The following TMEM164 variants were observed in gnomAD, a reference collection of about 807,000 sequenced individuals.
The protein encoded by TMEM164 is RP13-360B22.2.
In TMEM164, 4 loss-of-function variants were observed where a neutral mutation model predicts 18.8. The ratio of observed to expected loss-of-function variants is 0.21; its 90% CI spans 0.10 to 0.49. TMEM164 has a LOEUF of 0.49. Ranked by LOEUF, TMEM164 falls within the 20% of genes least tolerant of loss-of-function variation. The pLI, the probability that TMEM164 is intolerant of heterozygous loss-of-function variation, is 0.98. For missense variants in TMEM164, 108 were observed against 239.9 expected, an observed-to-expected ratio of 0.45 and a Z score of 3.63; for synonymous variants, 86 against 101.7, an observed-to-expected ratio of 0.85 and a Z score of 0.93.
intron 3 of TMEM164, among the ~76,000 whole-genome samples, chrX:110,100,715 G>A (rs2066097159): frequency 9.1e-6 from 1 of 110,437 alleles, no homozygotes; most frequent in African/African-American, 3.3e-5. Context: ...GGGACTACAG[G>A]CGCCCACCAC....
intron 4 of TMEM164, among the ~76,000 whole-genome samples, chrX:110,130,501 CTAT>C (rs905803979): frequency 9.0e-6 from 1 of 111,401 alleles, no homozygotes; most frequent in Non-Finnish European, 1.9e-5. Context: ...CTTATTATTT[CTAT>C]TATTATTATC....
chrX:110,167,850 A>G (rs1219883346), intron 5 of TMEM164, among the ~76,000 whole-genome samples: 2 of 111,598 alleles, frequency 1.8e-5, no homozygotes, highest in East Asian at 5.6e-4. Context: ...GAATGCTACT[A>G]AAGTCGGGGT....
intron 3 of TMEM164, among the ~76,000 whole-genome samples, chrX:110,093,936 C>A (rs879193927): frequency 9.0e-6 from 1 of 111,526 alleles, no homozygotes; most frequent in African/African-American, 3.3e-5. Flanking sequence ...GCCTTCATTT[C>A]GTTATGTACC....
At chrX:110,069,570 C>CTTTT (rs72102436) in intron 3 of TMEM164, among the ~76,000 whole-genome samples, 1 of 91,465 alleles carries the variant, frequency 1.1e-5, no homozygotes, top group African/African-American at 4.0e-5. Context: ...TTTATATTGA[C>CTTTT]TTTTTTTTTT....
chrX:110,024,991 GGTGTGT>G (rs3082762), intron 2 of TMEM164, among the ~76,000 whole-genome samples: 2 of 100,186 alleles, frequency 2.0e-5, no homozygotes, highest in African/African-American at 7.4e-5. Context: ...GTTATTGTTG[GGTGTGT>G]GTGTGTGTGT....
intron 4 of TMEM164, among the ~76,000 whole-genome samples, chrX:110,144,274 TA>T (rs1372083524): frequency 8.9e-6 from 1 of 111,953 alleles, no homozygotes; most frequent in African/African-American, 3.3e-5. Context: ...CTACTCCATA[TA>T]TTCTTCATGT....
chrX:110,051,542 C>T (rs181904432), intron 2 of TMEM164, among the ~76,000 whole-genome samples: 72 of 107,527 alleles, frequency 6.7e-4, no homozygotes, highest in African/African-American at 2.3e-3. Flanking sequence ...TGTGACCCCC[C>T]TGTCATTATT....
intron 5 of TMEM164, among the ~76,000 whole-genome samples, chrX:110,169,135 TAC>T (rs1458117402): frequency 9.0e-6 from 1 of 111,705 alleles, no homozygotes; most frequent in African/African-American, 3.3e-5. Flanking sequence ...TGTCCTAGAG[TAC>T]AGGCAGCCGC....
chrX:110,089,800 A>T (rs1184365774), intron 3 of TMEM164, among the ~76,000 whole-genome samples: 1 of 111,816 alleles, frequency 8.9e-6, no homozygotes, highest in African/African-American at 3.3e-5. Context: ...CCATTTCCTC[A>T]TTTGTAAAAG....
intron 3 of TMEM164, among the ~76,000 whole-genome samples, chrX:110,087,285 C>T (rs1023829884): frequency 8.9e-6 from 1 of 111,856 alleles, no homozygotes; most frequent in Non-Finnish European, 1.9e-5. Context: ...GAGACCTGGG[C>T]TTAAGAATTT....
rs561613461 is a variant in TMEM164, at chrX:110,035,747, C to T, written c.390+31583C>T. Among the ~76,000 whole-genome samples the T allele has an allele frequency of 8.1e-4, 89 of 109,652 alleles. 1 individual carries two copies. In the South Asian group the frequency reaches 0.034, roughly 42 times the overall value. On this transcript the variant is annotated intron_variant, in intron 2 of 6. Coordinates refer to ENST00000372068, the MANE Select transcript of TMEM164 (RefSeq NM_032227.4). ...CTCGAACTCCTGATCTCAAGTGATC[C>T]GCCCACTTCGGCCTCCCAATGTGCT...
intron 2 of TMEM164, among the ~76,000 whole-genome samples, chrX:110,013,644 T>G (rs1250480647): frequency 9.0e-6 from 1 of 111,658 alleles, no homozygotes; most frequent in Non-Finnish European, 1.9e-5. Flanking sequence ...ATTTTCCTAA[T>G]GCAAGTTCAG....
chrX:110,058,218 T>C (rs183768954), intron 2 of TMEM164, among the ~76,000 whole-genome samples: 666 of 111,041 alleles, frequency 6.0e-3, no homozygotes, highest in Middle Eastern at 0.023. Flanking sequence ...TTTTCCCCCA[T>C]TGTGTATTTT....
chrX:110,009,619 A>T (rs1014717876), intron 2 of TMEM164, among the ~76,000 whole-genome samples: 1 of 111,612 alleles, frequency 9.0e-6, no homozygotes, highest in Non-Finnish European at 1.9e-5. Flanking sequence ...GTGTACCTGG[A>T]TAATGGTGAC....
downstream of TMEM164, among the ~76,000 whole-genome samples, chrX:110,181,893 G>T (rs1218153616): frequency 2.7e-5 from 3 of 111,893 alleles, no homozygotes; most frequent in Non-Finnish European, 5.6e-5. Context: ...GGTTAGCTGG[G>T]GTTTTGACTG....
chrX:110,071,812 G>T (rs2065596080), intron 3 of TMEM164, among the ~76,000 whole-genome samples: 1 of 108,837 alleles, frequency 9.2e-6, no homozygotes, highest in Non-Finnish European at 1.9e-5. Context: ...GAGGCAGGAG[G>T]ATCACTTGAG....
chrX:110,124,771 C>T (rs937616700), intron 4 of TMEM164, among the ~76,000 whole-genome samples: 6 of 111,529 alleles, frequency 5.4e-5, no homozygotes, highest in Admixed American at 9.5e-5. Flanking sequence ...TGATTGTCAC[C>T]ACATAGCCCA....
chrX:110,002,476 G>A (rs1364507905), upstream of TMEM164, among the ~76,000 whole-genome samples: 1 of 110,177 alleles, frequency 9.1e-6, no homozygotes, highest in African/African-American at 3.3e-5. Context: ...ACGGGTGAGG[G>A]GAGTGCCAGA....
In TMEM164 at chrX:110,121,970, C is replaced by G. The variant is rs755820992; in HGVS notation, c.507+12824C>G. 2.7e-5 allele frequency among the ~76,000 whole-genome samples: 3 copies of G among 112,013 alleles called. No homozygotes were observed. The South Asian group carries it at 1.1e-3, about 42-fold the overall frequency. ...AGATTTTGGAATGCTGCACTTTGTACTTACCAGTTGAGCATCCCTAGTCTG... is the reference window on the plus strand; with the variant it reads ...AGATTTTGGAATGCTGCACTTTGTAGTTACCAGTTGAGCATCCCTAGTCTG... On this transcript the variant is annotated intron_variant, in intron 4 of 6. Transcript: ENST00000372068.
Sources: allele counts gnomAD v4.1 joint callset (sites outside exome capture counted in the v4.1 genomes callset), GRCh38; gene constraint gnomAD v4.1.1; transcripts MANE v1.5; gene names NCBI Gene and HGNC (gene_info 2026-07-23, HGNC 2026-07-21).